The following CHRNA7 variants were observed in gnomAD, a reference collection of about 807,000 sequenced individuals.
CHRNA7 encodes neuronal acetylcholine receptor subunit alpha-7.
A neutral mutation model predicts 48.0 loss-of-function variants in CHRNA7; 17 were observed. That is an observed-to-expected ratio of 0.35 (90% CI 0.24 to 0.53). The LOEUF is 0.53. Among genes scored for constraint, CHRNA7 ranks in the 20% least tolerant of loss-of-function variants. The pLI, the probability that CHRNA7 is intolerant of heterozygous loss-of-function variation, is 0.92. For synonymous variants in CHRNA7, 75 were observed against 242.3 expected (o/e 0.31, Z 6.41); for missense variants, 155 against 577.7 (o/e 0.27, Z 7.50).
chr15:32,150,777 T>C (rs557231811), intron 4 of CHRNA7, among the ~76,000 whole-genome samples: 4 of 152,174 alleles, frequency 2.6e-5, no homozygotes, highest in African/African-American at 7.2e-5. Context: ...AAGATCATGA[T>C]ACTATCCAGA....
At chr15:32,129,547 C>G (rs904588344) in intron 4 of CHRNA7, among the ~76,000 whole-genome samples, 2 of 151,792 alleles carry the variant, frequency 1.3e-5, no homozygotes, top group Non-Finnish European at 3.0e-5. Context: ...GTGTTAATTT[C>G]TATGTAAAGA....
chr15:32,153,054 T>G (rs1043203631), intron 4 of CHRNA7, among the ~76,000 whole-genome samples: 1 of 152,144 alleles, frequency 6.6e-6, no homozygotes, highest in African/African-American at 2.4e-5. Flanking sequence ...TTTTCATCGC[T>G]AACTGTGGAG....
chr15:32,093,419 G>A (rs868598596), intron 2 of CHRNA7, among the ~76,000 whole-genome samples: 2 of 152,126 alleles, frequency 1.3e-5, no homozygotes, highest in Admixed American at 1.3e-4. Context: ...AGAAGGATGG[G>A]GCAGCTCTGG....
At chr15:32,032,741 A>T (rs901796798) in intron 2 of CHRNA7, among the ~76,000 whole-genome samples, 2 of 151,990 alleles carry the variant, frequency 1.3e-5, no homozygotes, top group African/African-American at 4.8e-5. Flanking sequence ...GATGGGGGTG[A>T]TGGTGTAGTA....
At chr15:32,082,170 T>A (rs1263661024) in intron 2 of CHRNA7, among the ~76,000 whole-genome samples, 1 of 152,136 alleles carries the variant, frequency 6.6e-6, no homozygotes, top group Non-Finnish European at 1.5e-5. Flanking sequence ...TTGACTGTGA[T>A]GTGTCGTGGT....
rs947966635 is a variant in CHRNA7 at position 32,149,520 on chromosome 15, C to G, written c.351-4387C>G. 6.6e-6 allele frequency among the ~76,000 whole-genome samples: 1 copy of G among 152,160 alleles called. No homozygotes were observed. Among genetic ancestry groups the G allele is most frequent in the Non-Finnish European group, 1.5e-5 (1 of 68,032 alleles). On this transcript the variant is annotated intron_variant, in intron 4 of 9. Coordinates refer to ENST00000306901, the MANE Select transcript of CHRNA7 (RefSeq NM_000746.6). This position sits in a 1 kb window ranked among gnomAD's most constrained non-coding sequence, Gnocchi z 4.6. ...TTCTTCAAACTCATCTTATCTCCAC[C>G]CCTAATGCTCAAAACAGATAAAGTA...
chr15:32,080,444 A>G (rs986723245), intron 2 of CHRNA7, among the ~76,000 whole-genome samples: 26 of 152,198 alleles, frequency 1.7e-4, no homozygotes, highest in African/African-American at 6.3e-4. Context: ...AAACAAATTT[A>G]CAAGAAAAAC....
chr15:32,041,621 C>T (rs1196024603), intron 2 of CHRNA7, among the ~76,000 whole-genome samples: 10 of 152,216 alleles, frequency 6.6e-5, no homozygotes, highest in African/African-American at 2.4e-4. Context: ...TTCTCCTTCT[C>T]GCATTCCCAT....
At chr15:32,060,869 G>A (rs1022557442) in intron 2 of CHRNA7, among the ~76,000 whole-genome samples, 1 of 152,166 alleles carries the variant, frequency 6.6e-6, no homozygotes, top group Non-Finnish European at 1.5e-5. Flanking sequence ...AGGTGCGATG[G>A]CATTGTTGGC....
intron 2 of CHRNA7, among the ~76,000 whole-genome samples, chr15:32,071,398 G>A (rs2050055797): frequency 6.6e-6 from 1 of 152,156 alleles, no homozygotes; most frequent in Non-Finnish European, 1.5e-5. Flanking sequence ...TTCAGTTTGT[G>A]AATATGTCTG....
chr15:32,080,363 A>G (rs1009662898), intron 2 of CHRNA7, among the ~76,000 whole-genome samples: 3 of 152,198 alleles, frequency 2.0e-5, no homozygotes, highest in Non-Finnish European at 2.9e-5. Context: ...CAGACAGCCT[A>G]TAGAATGTGA....
chr15:32,108,457 C>T (rs772840204), intron 3 of CHRNA7, among the ~76,000 whole-genome samples: 1 of 152,232 alleles, frequency 6.6e-6, no homozygotes, highest in South Asian at 2.1e-4. Context: ...TCTGATGCCC[C>T]CTGTTCCCGA....
intron 2 of CHRNA7, 112 bp from the exon 3 acceptor site, chr15:32,101,191 T>A: frequency 8.7e-7 from 1 of 1,144,054 alleles, no homozygotes; most frequent in Non-Finnish European, 1.3e-6. Flanking sequence ...TGCATTCTAA[T>A]TTCCACACAC....
intron 3 of CHRNA7, among the ~76,000 whole-genome samples, chr15:32,105,518 AGG>A (rs2050654347): frequency 2.0e-5 from 3 of 151,304 alleles, no homozygotes; most frequent in African/African-American, 7.3e-5. Context: ...GAGGAGGAGG[AGG>A]AAAAGAGGAG....
chr15:32,070,669 C>CTTTTTT lies in CHRNA7; in HGVS notation c.196-30604_196-30599dup, dbSNP rs71113441. 1.1e-3 allele frequency among the ~76,000 whole-genome samples: 47 copies of CTTTTTT among 40,894 alleles called. 8 individuals carry two copies. The highest frequency in any genetic ancestry group is 2.3e-3 in the African/African-American group (25 of 10,772). 26.8% of individuals were successfully genotyped at this position (40,894 alleles called of 152,430 possible). On this transcript the variant is annotated intron_variant, in intron 2 of 9. Coordinates refer to ENST00000306901, the MANE Select transcript of CHRNA7 (RefSeq NM_000746.6). ...TGTGTGAACATGTGAGGTTTAGTTC[C>CTTTTTT]TTTTTTTTTTTTTTTTTTTTTTTTT...
intron 2 of CHRNA7, among the ~76,000 whole-genome samples, chr15:32,037,789 T>G (rs2141165548): frequency 6.6e-6 from 1 of 152,174 alleles, no homozygotes; most frequent in South Asian, 2.1e-4. Flanking sequence ...GTTTATTAGC[T>G]CCTGGAGATT....
At chr15:32,108,449 T>A (rs771782247) in intron 3 of CHRNA7, among the ~76,000 whole-genome samples, 3 of 152,268 alleles carry the variant, frequency 2.0e-5, no homozygotes, top group Non-Finnish European at 4.4e-5. Flanking sequence ...AGATTTTGTC[T>A]GATGCCCCCT....
In CHRNA7 at chr15:32,149,670, T is replaced by C. The variant is rs1394021809; in HGVS notation, c.351-4237T>C. The stretch of plus-strand genomic sequence containing the variant: ...TTAAGATTTGGATTTTGATAACATT[T>C]ATGTGTTACAATTTCATGTAGCTCA... On this transcript the variant is annotated intron_variant, in intron 4 of 9. Transcript: ENST00000306901. The surrounding 1 kb of genome is among the most constrained non-coding windows in gnomAD (Gnocchi z 4.6). Among the ~76,000 whole-genome samples, 1 of 152,216 alleles carries C rather than the reference T, an allele frequency of 6.6e-6. No homozygotes were observed. The highest frequency in any genetic ancestry group is 1.5e-5 in the Non-Finnish European group (1 of 68,040).
At chr15:32,049,616 T>C (rs893646346) in intron 2 of CHRNA7, among the ~76,000 whole-genome samples, 14 of 152,224 alleles carry the variant, frequency 9.2e-5, no homozygotes, top group African/African-American at 3.4e-4. Flanking sequence ...CCAGTCTGTG[T>C]CTTTTAATTG....
Sources: gnomAD v4.1 joint callset for allele counts (sites outside exome capture counted in the v4.1 genomes callset) on GRCh38, gnomAD v4.1.1 for gene constraint, Gnocchi (gnomAD v3.1) non-coding constraint, MANE v1.5 for transcripts, NCBI Gene and HGNC (gene_info 2026-07-23, HGNC 2026-07-21) for gene names.